The following PCDHGA2 variants were observed in gnomAD, a reference collection of about 807,000 sequenced individuals.
The protein encoded by PCDHGA2 is protocadherin gamma-A2.
A neutral mutation model predicts 59.2 loss-of-function variants in PCDHGA2; 40 were observed. The ratio of observed to expected loss-of-function variants is 0.68; its 90% confidence interval spans 0.52 to 0.88. The LOEUF (loss-of-function observed/expected upper bound fraction) is 0.88, where lower values mean the gene tolerates loss of function less well. Among genes scored for constraint, PCDHGA2 ranks in the 40% least tolerant of loss-of-function variants. The pLI, the probability that PCDHGA2 is intolerant of heterozygous loss-of-function variation, is 0.00. For missense variants in PCDHGA2, 1,226 were observed against 1,204.0 expected (o/e 1.02, Z -0.27); for synonymous variants, 560 against 526.0 (o/e 1.06, Z -0.89).
At chr5:141,389,500 C>A in intron 1 of PCDHGA2, 1 of 1,613,056 alleles carries the variant, frequency 6.2e-7, no homozygotes, top group Non-Finnish European at 8.5e-7. Context: ...GGCTCGCCAG[C>A]GCTCAGCGCG....
chr5:141,361,879 G>A (rs755410945), intron 1 of PCDHGA2: 5 of 1,610,512 alleles, frequency 3.1e-6, no homozygotes, highest in South Asian at 1.1e-5. Context: ...GCCACGCGCC[G>A]CAGAGCCCGG....
chr5:141,431,351 C>A lies in PCDHGA2; in HGVS notation c.2425-63456C>A. On this transcript the variant is annotated intron_variant, in intron 1 of 3. Coordinates refer to ENST00000394576, the MANE Select transcript of PCDHGA2 (RefSeq NM_018915.4). The surrounding 1 kb of genome is among the most constrained non-coding windows in gnomAD (Gnocchi z 4.8). ...TAAGTACCCCGAATTGGTGCTGAAA[C>A]GCGCCCTGGACCGCGAAGAAAAGGC... The A allele has an allele frequency of 6.2e-7, 1 of 1,614,064 alleles. No individual in the cohort carries two copies. The highest frequency in any genetic ancestry group is 8.5e-7 in the Non-Finnish European group (1 of 1,180,042).
In PCDHGA2 at chr5:141,341,178, A is replaced by C; in HGVS notation, c.2207A>C (p.Gln736Pro). Reference protein sequence around the residue: ...QASGGSLTGMQSSHFVGVDGV... With the variant: ...QASGGSLTGMPSSHFVGVDGV... ...TCAGGAGGCAGCTTGACAGGCATGC[A>C]GAGCTCGCACTTTGTGGGCGTGGAC... is the stretch of plus-strand genomic sequence containing the variant. The change falls in exon 1 of 4, where the codon CAG becomes CCG. Residue 736 changes from glutamine to proline, a missense_variant. Coordinates refer to ENST00000394576, the MANE Select transcript of PCDHGA2 (RefSeq NM_018915.4). 1 of 1,613,658 alleles carries C rather than the reference A, an allele frequency of 6.2e-7. No homozygotes were observed. Among genetic ancestry groups the C allele is most frequent in the Non-Finnish European group, 8.5e-7 (1 of 1,179,574 alleles).
Position 141,404,868 on chromosome 5 carries a change from A to G in PCDHGA2, c.2424+63473A>G, listed in dbSNP as rs375122600. On this transcript the variant is annotated intron_variant, in intron 1 of 3. Coordinates refer to ENST00000394576, the MANE Select transcript of PCDHGA2 (RefSeq NM_018915.4). Reference sequence around the variant, plus strand: ...GCCCTGCTAGATAGAGATGCGCTCAAACAGAGCCTTGTGGTGGCTGTACAG... The same window carrying G: ...GCCCTGCTAGATAGAGATGCGCTCAGACAGAGCCTTGTGGTGGCTGTACAG... 5.1e-5 allele frequency: 83 copies of G among 1,613,770 alleles called. 1 individual carries two copies. The highest frequency in any genetic ancestry group is 6.9e-5 in the Non-Finnish European group (81 of 1,179,896).
At chr5:141,384,179 G>C in intron 1 of PCDHGA2, 7 of 1,613,830 alleles carry the variant, frequency 4.3e-6, no homozygotes, top group Non-Finnish European at 5.9e-6. Context: ...GCCACAGATG[G>C]TGGAACTCCT....
chr5:141,407,982 G>A (rs976187867), intron 1 of PCDHGA2: 3 of 782,892 alleles, frequency 3.8e-6, no homozygotes, highest in Non-Finnish European at 5.7e-6. Context: ...CCGGGGATCC[G>A]TCAGCCTCTG....
chr5:141,476,825 G>A lies in PCDHGA2; in HGVS notation c.2425-17982G>A. ...GCCTATTCACATCAAGGTGCTGGACGCGAATGACAATGCGCCTGTCTTCAA... is the reference window on the plus strand; with the variant it reads ...GCCTATTCACATCAAGGTGCTGGACACGAATGACAATGCGCCTGTCTTCAA... On this transcript the variant is annotated intron_variant, in intron 1 of 3. Transcript: ENST00000394576. The surrounding 1 kb of genome is among the most constrained non-coding windows in gnomAD (Gnocchi z 7.6). 6.2e-7 allele frequency: 1 copy of A among 1,613,554 alleles called. No individual in the cohort carries two copies. Among genetic ancestry groups the A allele is most frequent in the East Asian group, 2.2e-5 (1 of 44,870 alleles).
At position 141,486,709 on chromosome 5, in the gene PCDHGA2, C is replaced by T; in HGVS notation, c.2425-8098C>T. 6.2e-7 allele frequency: 1 copy of T among 1,614,182 alleles called. No individual in the cohort carries two copies. ...CTTCCTCTTTCATCTCTCTGAACCC[C>T]CAGACAGGAGCTGTTCATGCTACTC... On this transcript the variant is annotated intron_variant, in intron 1 of 3. Coordinates refer to ENST00000394576, the MANE Select transcript of PCDHGA2 (RefSeq NM_018915.4). This position sits in a 1 kb window ranked among gnomAD's most constrained non-coding sequence, Gnocchi z 5.0.
rs767147642 is a variant in PCDHGA2 at position 141,356,594 on chromosome 5, A to G, written c.2424+15199A>G. 4 of 1,613,994 alleles carry G rather than the reference A, an allele frequency of 2.5e-6. No individual in the cohort carries two copies. The South Asian group carries it at 4.4e-5, about 18-fold the overall frequency. On this transcript the variant is annotated intron_variant, in intron 1 of 3. Transcript: ENST00000394576. ...TACTCTGCTTACATTCCTGAAAACA[A>G]CCCCAGAGGAGCCTCCATCTTATCT...
chr5:141,499,493 A>G (rs1322531312), intron 2 of PCDHGA2, among the ~76,000 whole-genome samples: 1 of 152,222 alleles, frequency 6.6e-6, no homozygotes, highest in African/African-American at 2.4e-5. Context: ...CTACAGTTTA[A>G]TATGAAACAT....
rs766784928 is a variant in PCDHGA2, at chr5:141,431,447, G to T, written c.2425-63360G>T. ...GCGCACAGGCACCGCGCGCATCCGC[G>T]TGATGGTTCTGGATGCGAACGACAA... On this transcript the variant is annotated intron_variant, in intron 1 of 3. Coordinates refer to ENST00000394576, the MANE Select transcript of PCDHGA2 (RefSeq NM_018915.4). The surrounding 1 kb of genome is among the most constrained non-coding windows in gnomAD (Gnocchi z 4.8). 2 of 1,613,792 alleles carry T rather than the reference G, an allele frequency of 1.2e-6. No individual in the cohort carries two copies. The highest frequency in any genetic ancestry group is 1.7e-6 in the Non-Finnish European group (2 of 1,180,014).
At chr5:141,413,970 G>A in intron 1 of PCDHGA2, 1 of 1,613,450 alleles carries the variant, frequency 6.2e-7, no homozygotes, top group Non-Finnish European at 8.5e-7. Flanking sequence ...GCACTCAGCT[G>A]CTGACAGTCA....
chr5:141,509,421 A>T (rs939726886), intron 3 of PCDHGA2, among the ~76,000 whole-genome samples: 5 of 152,088 alleles, frequency 3.3e-5, no homozygotes, highest in Non-Finnish European at 1.5e-5. Context: ...AGCCCCAATG[A>T]GTCAAACTCT....
chr5:141,352,510 A>G (rs572735665), intron 1 of PCDHGA2: 6 of 1,613,854 alleles, frequency 3.7e-6, no homozygotes, highest in South Asian at 2.2e-5. Flanking sequence ...CCTACAATCT[A>G]TGTATTGCCT....
intron 1 of PCDHGA2, among the ~76,000 whole-genome samples, chr5:141,458,275 G>A (rs975142859): frequency 2.6e-5 from 4 of 152,142 alleles, no homozygotes; most frequent in Non-Finnish European, 5.9e-5. Flanking sequence ...GAACAACAGG[G>A]TTCCTGGTCC....
chr5:141,364,822 GA>G (rs1385950726), intron 1 of PCDHGA2: 1 of 1,614,010 alleles, frequency 6.2e-7, no homozygotes, highest in Admixed American at 1.7e-5. Context: ...ATGTGGGTGT[GA>G]ACTCTCTCCG....
At chr5:141,369,342 T>C (rs922060609) in intron 1 of PCDHGA2, among the ~76,000 whole-genome samples, 8 of 152,174 alleles carry the variant, frequency 5.3e-5, no homozygotes, top group African/African-American at 1.9e-4. Context: ...TTCAGGACAA[T>C]TGTGATGTAG....
At position 141,476,683 on chromosome 5, in the gene PCDHGA2, C is replaced by T; in HGVS notation, c.2425-18124C>T. The T allele has an allele frequency of 1.9e-6, 3 of 1,614,242 alleles. No homozygotes were observed. Among genetic ancestry groups the T allele is most frequent in the Non-Finnish European group, 2.5e-6 (3 of 1,180,052 alleles). ...CGCTTCGCGTGCAGACGCGGGAGGA[C>T]AGCACCAAGTACGCGGAGCTGGTGT... On this transcript the variant is annotated intron_variant, in intron 1 of 3. Coordinates refer to ENST00000394576, the MANE Select transcript of PCDHGA2 (RefSeq NM_018915.4). The surrounding 1 kb of genome is among the most constrained non-coding windows in gnomAD (Gnocchi z 7.6).
In PCDHGA2 at chr5:141,388,651, A is replaced by G. The variant is rs186708822; in HGVS notation, c.2424+47256A>G. ...AGGGTGAGCCTTTCAGAAAACGTGT[A>G]CCCGGGGACCACGGTGCTACAGGTG... On this transcript the variant is annotated intron_variant, in intron 1 of 3. Transcript: ENST00000394576. 300 of 1,613,838 alleles carry G rather than the reference A, an allele frequency of 1.9e-4. 1 individual carries two copies. Among genetic ancestry groups the G allele is most frequent in the Admixed American group, 9.7e-4 (58 of 60,020 alleles).
Sources: gnomAD v4.1 joint callset for allele counts (sites outside exome capture counted in the v4.1 genomes callset) on GRCh38, gnomAD v4.1.1 for gene constraint, Gnocchi (gnomAD v3.1) non-coding constraint, MANE v1.5 for transcripts, NCBI Gene and HGNC (gene_info 2026-07-23, HGNC 2026-07-21) for gene names.